Variants in NEBL observed in about 807,000 individuals in gnomAD.
NEBL encodes the protein nebulette, also known as LIM and SH3 protein 2.
NEBL carries 122 observed loss-of-function variants against 140.2 expected under a neutral mutation model. The ratio of observed to expected loss-of-function variants is 0.87; its 90% CI spans 0.75 to 1.01. The LOEUF is 1.01. Ranked by LOEUF, NEBL falls within the 50% of genes least tolerant of loss-of-function variation. The pLI is 0.00. For missense variants in NEBL, 1,365 were observed against 1,231.3 expected (o/e 1.11, Z -1.62); for synonymous variants, 436 against 398.9 (o/e 1.09, Z -1.11).
chr10:21,197,293 C>G (rs1841667930), intron 3 of NEBL, among the ~76,000 whole-genome samples: 1 of 152,242 alleles, frequency 6.6e-6, no homozygotes, highest in Non-Finnish European at 1.5e-5. Flanking sequence ...AAAAGCTCCA[C>G]AGGTAATCTT....
chr10:20,893,290 G>A (rs1266880225), intron 2 of NEBL, among the ~76,000 whole-genome samples: 1 of 152,052 alleles, frequency 6.6e-6, no homozygotes, highest in Non-Finnish European at 1.5e-5. Flanking sequence ...ACTTATTCAA[G>A]GGATTGATTA....
At chr10:20,848,656 C>T (rs1306486920) in intron 11 of NEBL, among the ~76,000 whole-genome samples, 2 of 152,098 alleles carry the variant, frequency 1.3e-5, no homozygotes, top group Admixed American at 6.5e-5. Flanking sequence ...CTGTGCACTC[C>T]TTATGAGAAT....
intron 3 of NEBL, among the ~76,000 whole-genome samples, chr10:21,244,594 A>G (rs1162263959): frequency 2.0e-5 from 3 of 151,776 alleles, no homozygotes; most frequent in South Asian, 4.2e-4. Context: ...AGAGGTTGCA[A>G]TGAGCCAAGA....
At chr10:21,066,491 G>C (rs1412805169) in intron 2 of NEBL, among the ~76,000 whole-genome samples, 1 of 152,084 alleles carries the variant, frequency 6.6e-6, no homozygotes, top group Admixed American at 6.5e-5. Flanking sequence ...GGAAAAACCA[G>C]GAAATGAAAT....
chr10:21,179,925 G>A (rs927954801), upstream of NEBL, among the ~76,000 whole-genome samples: 8 of 152,088 alleles, frequency 5.3e-5, no homozygotes, highest in Admixed American at 2.0e-4. Flanking sequence ...ATCACTTAAG[G>A]TCAGGAGTTG....
chr10:20,934,301 G>A (rs1834361616), intron 4 of NEBL, among the ~76,000 whole-genome samples: 1 of 152,158 alleles, frequency 6.6e-6, no homozygotes, highest in Admixed American at 6.5e-5. Flanking sequence ...CTCAGGAGCT[G>A]AAGGGATATA....
intron 2 of NEBL, among the ~76,000 whole-genome samples, chr10:21,097,561 T>A (rs973407681): frequency 1.3e-5 from 2 of 152,218 alleles, no homozygotes; most frequent in African/African-American, 4.8e-5. Context: ...AAATGAGTCA[T>A]TTTGTATATT....
intron 5 of NEBL, among the ~76,000 whole-genome samples, chr10:20,878,633 CAA>C (rs1406190258): frequency 2.6e-5 from 4 of 152,190 alleles, no homozygotes; most frequent in African/African-American, 9.7e-5. Flanking sequence ...AGAGGAATAT[CAA>C]CTACTTCACA....
rs577726049 is a variant in NEBL at position 20,802,564 on chromosome 10, ACAAT to A, written c.2761+5942_2761+5945del. Among the ~76,000 whole-genome samples, 24 of 152,358 alleles carry A rather than the reference ACAAT, an allele frequency of 1.6e-4. No individual in the cohort carries two copies. The South Asian group carries it at 3.5e-3, about 22-fold the overall frequency. On this transcript the variant is annotated intron_variant, in intron 26 of 27. Transcript: ENST00000377122. ...TCACATAGGAAAATGAAAATACTGAACAATCAAAGTAAGATGGGAAAATATCATG... is the reference window on the plus strand; with the variant it reads ...TCACATAGGAAAATGAAAATACTGAACAAAGTAAGATGGGAAAATATCATG...
intron 3 of NEBL, among the ~76,000 whole-genome samples, chr10:20,987,550 C>T (rs543158413): frequency 6.6e-6 from 1 of 152,298 alleles, no homozygotes; most frequent in South Asian, 2.1e-4. Flanking sequence ...ATCCTCCACT[C>T]AGCTCTGCCT....
intron 2 of NEBL, among the ~76,000 whole-genome samples, chr10:21,110,279 C>T (rs1837934973): frequency 6.6e-6 from 1 of 152,122 alleles, no homozygotes; most frequent in African/African-American, 2.4e-5. Context: ...GTGAAGGCAA[C>T]TGAGTCTGGA....
chr10:21,169,403 A>G (rs1056017740), intron 2 of NEBL, among the ~76,000 whole-genome samples: 9 of 152,112 alleles, frequency 5.9e-5, no homozygotes, highest in African/African-American at 2.2e-4. Context: ...ATTTTCTACC[A>G]TTGACCCGGA....
chr10:21,119,473 A>ATGT (rs1838425482), intron 2 of NEBL, among the ~76,000 whole-genome samples: 1 of 148,688 alleles, frequency 6.7e-6, no homozygotes, highest in African/African-American at 2.5e-5. Context: ...TATAACATAT[A>ATGT]TAGTTATATT....
intron 26 of NEBL, among the ~76,000 whole-genome samples, chr10:20,801,482 T>C (rs1819826725): frequency 6.6e-6 from 1 of 152,060 alleles, no homozygotes; most frequent in African/African-American, 2.4e-5. Flanking sequence ...CAGGCATAAG[T>C]TACCATACCT....
At chr10:21,240,707 T>C (rs1315343937) in intron 3 of NEBL, among the ~76,000 whole-genome samples, 1 of 152,212 alleles carries the variant, frequency 6.6e-6, no homozygotes, top group African/African-American at 2.4e-5. Flanking sequence ...TGGTTTTTAA[T>C]GTTTTTACAT....
At chr10:21,205,664 C>T (rs2132230956) in intron 3 of NEBL, among the ~76,000 whole-genome samples, 1 of 152,172 alleles carries the variant, frequency 6.6e-6, no homozygotes, top group East Asian at 1.9e-4. Flanking sequence ...TGGCACCAAC[C>T]TATTAATCAA....
At chr10:21,122,922 C>G (rs1182114947) in intron 2 of NEBL, among the ~76,000 whole-genome samples, 2 of 152,274 alleles carry the variant, frequency 1.3e-5, no homozygotes, top group Admixed American at 6.5e-5. Flanking sequence ...TTCCTAAGTT[C>G]TGTAGGATCA....
chr10:21,116,292 G>T (rs1838282271), intron 2 of NEBL, among the ~76,000 whole-genome samples: 1 of 152,050 alleles, frequency 6.6e-6, no homozygotes, highest in Non-Finnish European at 1.5e-5. Context: ...TTCATTTCCT[G>T]GTGAGAGCCC....
At chr10:20,961,539 G>T in intron 4 of NEBL, 2 of 753,334 alleles carry the variant, frequency 2.7e-6, no homozygotes, top group Admixed American at 3.6e-5. Context: ...GATGAAATTG[G>T]CATAGTCTAT....
Sources: allele counts gnomAD v4.1 joint callset (sites outside exome capture counted in the v4.1 genomes callset), GRCh38; gene constraint gnomAD v4.1.1; transcripts MANE v1.5; gene names NCBI Gene and HGNC (gene_info 2026-07-23, HGNC 2026-07-21).